Variants in RAPGEF4 observed in about 807,000 individuals in gnomAD.
The protein encoded by RAPGEF4 is RAP guanine-nucleotide-exchange factor (GEF) 4.
RAPGEF4 carries 66 observed loss-of-function variants against 147.9 expected under a neutral mutation model. The observed-to-expected ratio is 0.45, with a 90% CI of 0.37 to 0.55. RAPGEF4 has a LOEUF of 0.55. Ranked by LOEUF, RAPGEF4 falls within the 20% of genes least tolerant of loss-of-function variation. The pLI is 0.00. For missense variants in RAPGEF4, 1,071 were observed against 1,257.3 expected (o/e 0.85, Z 2.24); for synonymous variants, 419 against 442.7 (o/e 0.95, Z 0.67).
At chr2:173,027,826 A>G (rs1248204569) in intron 25 of RAPGEF4, among the ~76,000 whole-genome samples, 1 of 152,230 alleles carries the variant, frequency 6.6e-6, no homozygotes, top group Admixed American at 6.5e-5. Context: ...TACAGGGGCC[A>G]GTTAGAGTTC....
chr2:172,759,676 G>A lies in RAPGEF4; in HGVS notation c.65+23628G>A, dbSNP rs146340486. 1.3e-4 allele frequency among the ~76,000 whole-genome samples: 20 copies of A among 152,334 alleles called. No homozygotes were observed. The East Asian group carries it at 3.5e-3, about 26-fold the overall frequency. ...AACATATCCTCTTAGGAGATGGTAT[G>A]CCTCTGTAAATGAGTTTCTGGTTTG... is the stretch of plus-strand genomic sequence containing the variant. On this transcript the variant is annotated intron_variant, in intron 1 of 30. Transcript: ENST00000397081.
intron 1 of RAPGEF4, among the ~76,000 whole-genome samples, chr2:172,784,257 G>A (rs1327509780): frequency 6.6e-6 from 1 of 152,148 alleles, no homozygotes; most frequent in Non-Finnish European, 1.5e-5. Context: ...GGTGGCTCAC[G>A]CCTGTAATCC....
chr2:173,019,592 C>CA (rs1695851803), intron 22 of RAPGEF4, among the ~76,000 whole-genome samples: 1 of 152,246 alleles, frequency 6.6e-6, no homozygotes, highest in African/African-American at 2.4e-5. Flanking sequence ...CCTTCAGGAA[C>CA]AGGTGAGCCA....
At chr2:172,897,393 T>TA (rs1698588888) in intron 4 of RAPGEF4, among the ~76,000 whole-genome samples, 1 of 151,910 alleles carries the variant, frequency 6.6e-6, no homozygotes, top group Non-Finnish European at 1.5e-5. Flanking sequence ...TGGGGTTTTT[T>TA]AAAAATATAT....
rs970042624 is a variant in RAPGEF4 at position 172,996,662 on chromosome 2, T to C, written c.1579+108T>C. On this transcript the variant is annotated intron_variant, in intron 16 of 30. Transcript: ENST00000397081. Reference sequence around the variant, plus strand: ...TAGCGAAAGCAGTTTGGGAAGGGGATTCTGTGTATTGATATTTGAAAAGCA... The same window carrying C: ...TAGCGAAAGCAGTTTGGGAAGGGGACTCTGTGTATTGATATTTGAAAAGCA... 3 of 734,668 alleles carry C rather than the reference T, an allele frequency of 4.1e-6. No homozygotes were observed. The South Asian group carries it at 5.3e-5, about 13-fold the overall frequency. 45.5% of individuals were successfully genotyped at this position (734,668 alleles called of 1,614,324 possible).
intron 4 of RAPGEF4, among the ~76,000 whole-genome samples, chr2:172,862,510 T>C (rs1369500103): frequency 6.6e-6 from 1 of 152,176 alleles, no homozygotes; most frequent in Non-Finnish European, 1.5e-5. Flanking sequence ...ACCAACTAGA[T>C]TAAAAACTCT....
intron 4 of RAPGEF4, among the ~76,000 whole-genome samples, chr2:172,914,982 A>G (rs1327938992): frequency 6.6e-6 from 1 of 152,228 alleles, no homozygotes; most frequent in Non-Finnish European, 1.5e-5. Flanking sequence ...AATAATTTAG[A>G]AATCCCAATT....
chr2:173,037,941 G>A (rs1684266135), intron 29 of RAPGEF4, among the ~76,000 whole-genome samples: 1 of 152,134 alleles, frequency 6.6e-6, no homozygotes, highest in African/African-American at 2.4e-5. Context: ...GTGACTCCAG[G>A]AGAATCTGAA....
At chr2:172,884,488 T>C (rs1261491469) in intron 4 of RAPGEF4, among the ~76,000 whole-genome samples, 1 of 152,188 alleles carries the variant, frequency 6.6e-6, no homozygotes, top group Admixed American at 6.5e-5. Flanking sequence ...TGAGATCACC[T>C]CCAGGCTTCT....
rs1283632545 is a variant in RAPGEF4, at chr2:172,740,262, GT to G, written c.65+4216del. Among the ~76,000 whole-genome samples, 4 of 152,314 alleles carry G rather than the reference GT, an allele frequency of 2.6e-5. No individual in the cohort carries two copies. In the East Asian group the frequency reaches 7.7e-4, roughly 29 times the overall value. ...AGAAATCGTTTTCATTTGGAAAGGA[GT>G]TCACAGTGTTTGGTTTCTTGTTCTT... On this transcript the variant is annotated intron_variant, in intron 1 of 30. Transcript: ENST00000397081.
chr2:172,741,612 T>C (rs949436966), intron 1 of RAPGEF4, among the ~76,000 whole-genome samples: 1 of 152,254 alleles, frequency 6.6e-6, no homozygotes, highest in Admixed American at 6.5e-5. Context: ...AACATCTTTT[T>C]ATTGTGGAAA....
At chr2:172,876,933 G>A (rs1696002290) in intron 4 of RAPGEF4, among the ~76,000 whole-genome samples, 1 of 152,086 alleles carries the variant, frequency 6.6e-6, no homozygotes, top group Non-Finnish European at 1.5e-5. Context: ...GCCTGTTATT[G>A]GTCTATTCAG....
At chr2:172,783,789 T>TGC (rs1216645105) in intron 1 of RAPGEF4, among the ~76,000 whole-genome samples, 1 of 151,760 alleles carries the variant, frequency 6.6e-6, no homozygotes, top group East Asian at 1.9e-4. Context: ...TGTGTGTGTG[T>TGC]GTGTGGTGGG....
Position 172,899,787 on chromosome 2 carries a change from A to C in RAPGEF4, c.445-18015A>C, listed in dbSNP as rs139199225. On this transcript the variant is annotated intron_variant, in intron 4 of 30. Transcript: ENST00000397081. ...AGGGTGGGCTGCATTTCAGGCTAGAACTAGAGGTATGCAGGATAAGAGGTA... is the reference window on the plus strand; with the variant it reads ...AGGGTGGGCTGCATTTCAGGCTAGACCTAGAGGTATGCAGGATAAGAGGTA... 4.1e-4 allele frequency among the ~76,000 whole-genome samples: 63 copies of C among 152,262 alleles called. No homozygotes were observed. In the East Asian group the frequency reaches 0.012, roughly 29 times the overall value.
intron 3 of RAPGEF4, among the ~76,000 whole-genome samples, chr2:172,803,648 G>A (rs1051351536): frequency 6.6e-6 from 1 of 152,168 alleles, no homozygotes; most frequent in Non-Finnish European, 1.5e-5. Context: ...GCAAATTTCT[G>A]TAGCTGGCTT....
intron 6 of RAPGEF4, among the ~76,000 whole-genome samples, chr2:172,958,118 C>A (rs1045835858): frequency 6.6e-6 from 1 of 152,152 alleles, no homozygotes; most frequent in Non-Finnish European, 1.5e-5. Flanking sequence ...TTCTGGCAGC[C>A]TCTCAAAGAT....
chr2:172,784,216 G>A (rs545495366), intron 1 of RAPGEF4, among the ~76,000 whole-genome samples: 12 of 152,042 alleles, frequency 7.9e-5, no homozygotes, highest in Admixed American at 7.2e-4. Flanking sequence ...ACTCAGTAAC[G>A]AACTATAGAA....
chr2:172,753,835 G>A (rs566294121), intron 1 of RAPGEF4, among the ~76,000 whole-genome samples: 6 of 151,784 alleles, frequency 4.0e-5, no homozygotes, highest in Admixed American at 1.3e-4. Flanking sequence ...CGGTTTGTGA[G>A]GGTTGCTGCT....
At chr2:173,016,567 G>T in intron 19 of RAPGEF4, 130 bp downstream of exon 19, 1 of 712,966 alleles carries the variant, frequency 1.4e-6, no homozygotes. Flanking sequence ...AGCAGACTGG[G>T]CTGAGGGCAT....
Sources: gnomAD v4.1 joint callset for allele counts (sites outside exome capture counted in the v4.1 genomes callset) on GRCh38, gnomAD v4.1.1 for gene constraint, MANE v1.5 for transcripts, NCBI Gene and HGNC (gene_info 2026-07-23, HGNC 2026-07-21) for gene names.